Variants in GABRB1 observed in about 807,000 individuals in gnomAD.
GABRB1 encodes gamma-aminobutyric acid type A receptor subunit beta1.
A neutral mutation model predicts 51.6 loss-of-function variants in GABRB1; 17 were observed. The ratio of observed to expected loss-of-function variants is 0.33; its 90% CI spans 0.23 to 0.49. GABRB1 has a LOEUF of 0.49. Among genes scored for constraint, GABRB1 ranks in the 20% least tolerant of loss-of-function variants. GABRB1 has a pLI of 0.99. For synonymous variants in GABRB1, 247 were observed against 218.9 expected (o/e 1.13, Z -1.14); for missense variants, 410 against 600.6 (o/e 0.68, Z 3.32).
At chr4:47,246,451 C>T (rs1721765302) in intron 4 of GABRB1, among the ~76,000 whole-genome samples, 1 of 121,286 alleles carries the variant, frequency 8.2e-6, no homozygotes, top group Admixed American at 8.6e-5. Flanking sequence ...GGGTTGGTTC[C>T]ACTATTTTGC....
intron 4 of GABRB1, among the ~76,000 whole-genome samples, chr4:47,272,324 C>A (rs899145927): frequency 6.6e-6 from 1 of 152,106 alleles, no homozygotes; most frequent in African/African-American, 2.4e-5. Context: ...GGCTTCCCCT[C>A]CCCTTCTTTA....
chr4:47,075,171 A>G (rs920493464), intron 3 of GABRB1, among the ~76,000 whole-genome samples: 2 of 152,210 alleles, frequency 1.3e-5, no homozygotes, highest in Admixed American at 6.5e-5. Context: ...TGCAGCAGCA[A>G]ATCAGAAGCA....
chr4:47,284,710 T>C (rs1443751214), intron 4 of GABRB1, among the ~76,000 whole-genome samples: 1 of 152,226 alleles, frequency 6.6e-6, no homozygotes, highest in East Asian at 1.9e-4. Flanking sequence ...ATGATTGGTA[T>C]GTTCTCTTGA....
chr4:47,063,854 C>CG (rs1054301749), intron 3 of GABRB1, among the ~76,000 whole-genome samples: 2 of 151,664 alleles, frequency 1.3e-5, no homozygotes, highest in Admixed American at 6.6e-5. Flanking sequence ...ATGGACATGG[C>CG]GGGGGAACAA....
chr4:47,328,847 A>G (rs1212486902), intron 5 of GABRB1, among the ~76,000 whole-genome samples: 1 of 151,908 alleles, frequency 6.6e-6, no homozygotes, highest in Admixed American at 6.6e-5. Context: ...CAGCACACCA[A>G]CATGGCACAT....
chr4:47,082,499 T>C (rs1727892584), intron 3 of GABRB1, among the ~76,000 whole-genome samples: 1 of 152,232 alleles, frequency 6.6e-6, no homozygotes, highest in East Asian at 1.9e-4. Context: ...AGAGAACAAC[T>C]TTCTCACTAT....
chr4:47,000,020 C>T (rs183643410), intron 1 of GABRB1, among the ~76,000 whole-genome samples: 278 of 152,280 alleles, frequency 1.8e-3, no homozygotes, highest in South Asian at 2.9e-3. Context: ...TACAGGGAGA[C>T]AGATTTGAGC....
intron 4 of GABRB1, among the ~76,000 whole-genome samples, chr4:47,162,769 A>G (rs1718017689): frequency 6.6e-6 from 1 of 152,000 alleles, no homozygotes; most frequent in African/African-American, 2.4e-5. Flanking sequence ...GTCAACTCCT[A>G]TTTTCAGGTT....
intron 7 of GABRB1, among the ~76,000 whole-genome samples, chr4:47,405,349 C>A (rs545971675): frequency 6.6e-6 from 1 of 152,102 alleles, no homozygotes; most frequent in Non-Finnish European, 1.5e-5. Context: ...AAAATGAATG[C>A]GAAACTATTT....
intron 3 of GABRB1, among the ~76,000 whole-genome samples, chr4:47,041,288 A>G (rs1725824627): frequency 6.6e-6 from 1 of 152,184 alleles, no homozygotes; most frequent in African/African-American, 2.4e-5. Context: ...CAAGAATTCA[A>G]GAGAGCCCTG....
chr4:47,320,776 T>C (rs1725055313), intron 5 of GABRB1, among the ~76,000 whole-genome samples: 1 of 146,968 alleles, frequency 6.8e-6, no homozygotes, highest in Non-Finnish European at 1.5e-5. Context: ...TTTTCTTTTT[T>C]TTTTTTTTTT....
chr4:47,141,609 T>C (rs1716938640), intron 3 of GABRB1, among the ~76,000 whole-genome samples: 1 of 151,986 alleles, frequency 6.6e-6, no homozygotes, highest in Non-Finnish European at 1.5e-5. Context: ...ACCTGTATTA[T>C]TTTATGAAGT....
chr4:47,069,901 G>A (rs186231594), intron 3 of GABRB1, among the ~76,000 whole-genome samples: 27 of 152,012 alleles, frequency 1.8e-4, no homozygotes, highest in Admixed American at 3.9e-4. Flanking sequence ...CTCCGTTTCC[G>A]GTACTCCACC....
chr4:47,371,535 T>C (rs4475120), intron 5 of GABRB1, among the ~76,000 whole-genome samples: 80,265 of 152,056 alleles, frequency 0.53, 21,675 homozygotes, highest in African/African-American at 0.58. Flanking sequence ...AATGGTTGAA[T>C]TAATTTACAT....
At chr4:47,129,259 T>C (rs554143951) in intron 3 of GABRB1, among the ~76,000 whole-genome samples, 1 of 152,254 alleles carries the variant, frequency 6.6e-6, no homozygotes, top group African/African-American at 2.4e-5. Flanking sequence ...AACAGAGCCT[T>C]CTTTTAAAGC....
chr4:47,064,359 G>A (rs538758611), intron 3 of GABRB1, among the ~76,000 whole-genome samples: 2 of 152,230 alleles, frequency 1.3e-5, no homozygotes, highest in South Asian at 4.1e-4. Context: ...ATCAGGCCAG[G>A]TGCGGTGGCT....
At chr4:47,305,077 G>C (rs767224722) in intron 4 of GABRB1, among the ~76,000 whole-genome samples, 10 of 152,030 alleles carry the variant, frequency 6.6e-5, no homozygotes, top group Non-Finnish European at 1.0e-4. Context: ...GCCCTAATCT[G>C]TTTGTATTCT....
intron 3 of GABRB1, 32 bp from the exon 4 acceptor site, chr4:47,161,217 C>CTTTT: frequency 8.8e-7 from 1 of 1,136,028 alleles, no homozygotes; most frequent in Non-Finnish European, 1.2e-6. Context: ...TAGTAAAATT[C>CTTTT]TTTTTTTTTT....
intron 5 of GABRB1, among the ~76,000 whole-genome samples, chr4:47,398,557 T>TAGAG (rs1182836628): frequency 2.0e-5 from 3 of 151,636 alleles, no homozygotes; most frequent in African/African-American, 7.2e-5. Context: ...CTCATATATA[T>TAGAG]AGAGAGAGAG....
Sources: allele counts gnomAD v4.1 joint callset (sites outside exome capture counted in the v4.1 genomes callset), GRCh38; gene constraint gnomAD v4.1.1; transcripts MANE v1.5; gene names NCBI Gene and HGNC (gene_info 2026-07-23, HGNC 2026-07-21).